Variants in PMM2 observed in about 807,000 individuals in gnomAD.
PMM2 encodes mannose-6-phosphate isomerase.
A neutral mutation model predicts 33.2 loss-of-function variants in PMM2; 35 were observed. The observed-to-expected ratio is 1.06, with a 90% confidence interval of 0.81 to 1.40. PMM2 has a LOEUF of 1.40. Ranked by LOEUF, PMM2 falls within the 40% of genes most tolerant of loss-of-function variation. The pLI, the probability that PMM2 is intolerant of heterozygous loss-of-function variation, is 0.00. For missense variants in PMM2, 386 were observed against 306.0 expected (o/e 1.26, Z -1.95); for synonymous variants, 153 against 114.7 (o/e 1.33, Z -2.13).
intron 1 of PMM2, among the ~76,000 whole-genome samples, chr16:8,800,190 C>G (rs2060605011): frequency 6.6e-6 from 1 of 152,070 alleles, no homozygotes; most frequent in African/African-American, 2.4e-5. Context: ...GAAACCCAGT[C>G]TCTACTAAAA....
intron 7 of PMM2, chr16:8,832,986 G>C (rs1596500387): frequency 4.0e-6 from 2 of 504,708 alleles, no homozygotes; most frequent in South Asian, 8.0e-5. Context: ...CTGTGATGTG[G>C]TTTTGGTTTG....
intron 7 of PMM2, among the ~76,000 whole-genome samples, chr16:8,825,065 C>T (rs765496660): frequency 2.6e-5 from 4 of 152,308 alleles, no homozygotes; most frequent in South Asian, 4.1e-4. Context: ...GAGTCTCGCT[C>T]TGTTGCCCAG....
At chr16:8,799,553 CT>C (rs763337975) in intron 1 of PMM2, among the ~76,000 whole-genome samples, 9,218 of 99,748 alleles carry the variant, frequency 0.092, 334 homozygotes, top group Middle Eastern at 0.2. Flanking sequence ...AGTTCTGACT[CT>C]TTTTTTTTTT....
chr16:8,835,125 A>C (rs533507745), intron 7 of PMM2, among the ~76,000 whole-genome samples: 6,647 of 148,610 alleles, frequency 0.045, 187 homozygotes, highest in Middle Eastern at 0.13. Context: ...GCACGCAGAC[A>C]TGAGGGCTAG....
At chr16:8,810,765 C>A (rs762311527) in intron 4 of PMM2, 2 of 386,938 alleles carry the variant, frequency 5.2e-6, no homozygotes, top group Non-Finnish European at 9.8e-6. Flanking sequence ...TTTGTAGAGA[C>A]AGAGTTTCGC....
intron 7 of PMM2, among the ~76,000 whole-genome samples, chr16:8,821,470 C>T (rs1259121875): frequency 1.3e-5 from 2 of 152,216 alleles, no homozygotes; most frequent in Non-Finnish European, 1.5e-5. Context: ...CTGCCTGTGT[C>T]TGTGCTGAAG....
chr16:8,839,193 T>C (rs2060872999), intron 7 of PMM2, among the ~76,000 whole-genome samples: 1 of 152,058 alleles, frequency 6.6e-6, no homozygotes, highest in Non-Finnish European at 1.5e-5. Context: ...CAGGGAGCTC[T>C]TCGTTCCTAT....
At chr16:8,845,833 C>G (rs2060922266) in intron 7 of PMM2, among the ~76,000 whole-genome samples, 1 of 147,650 alleles carries the variant, frequency 6.8e-6, no homozygotes, top group Non-Finnish European at 1.5e-5. Context: ...ATTACTGGAA[C>G]TAGCTTGGCA....
intron 1 of PMM2, among the ~76,000 whole-genome samples, chr16:8,799,078 G>C (rs1310892736): frequency 6.6e-6 from 1 of 152,052 alleles, no homozygotes; most frequent in Non-Finnish European, 1.5e-5. Flanking sequence ...TTTTGTAAAG[G>C]GCCATATAGC....
intron 7 of PMM2, among the ~76,000 whole-genome samples, chr16:8,833,602 C>T (rs372133289): frequency 6.8e-4 from 103 of 151,186 alleles, no homozygotes; most frequent in Middle Eastern, 3.4e-3. Flanking sequence ...TTAGGGGCGG[C>T]GTGGGAACCT....
chr16:8,806,539 G>T, intron 4 of PMM2, 132 bp downstream of exon 4: 2 of 713,916 alleles, frequency 2.8e-6, no homozygotes, highest in South Asian at 1.5e-5. Context: ...CTGATATTTA[G>T]CCCGCCCCTT....
At chr16:8,804,022 GT>G (rs770345977) in intron 2 of PMM2, among the ~76,000 whole-genome samples, 1 of 25,992 alleles carries the variant, frequency 3.8e-5, no homozygotes, top group Admixed American at 2.6e-4. Flanking sequence ...TGTTTTTTGG[GT>G]TTTTTTTGTT....
At chr16:8,826,450 A>T (rs2060768605) in intron 7 of PMM2, among the ~76,000 whole-genome samples, 1 of 152,172 alleles carries the variant, frequency 6.6e-6, no homozygotes, top group Non-Finnish European at 1.5e-5. Flanking sequence ...CCTTATCTGG[A>T]ATCTAATGGC....
intron 6 of PMM2, among the ~76,000 whole-genome samples, chr16:8,811,962 C>G (rs2060680292): frequency 1.3e-5 from 2 of 152,242 alleles, no homozygotes; most frequent in African/African-American, 2.4e-5. Flanking sequence ...CAACAGCATT[C>G]TTCCTACCTG....
Position 8,806,366 on chromosome 16 carries a change from C to G in PMM2, c.306C>G (p.Tyr102Ter). The change falls in exon 4 of 8, where the codon TAC becomes TAG. Residue 102 changes from tyrosine (Y) to a stop codon, truncating the protein, a stop_gained. Coordinates refer to ENST00000268261, the MANE Select transcript of PMM2 (RefSeq NM_000303.3). LOFTEE classifies it high-confidence loss of function. Reference sequence around the variant, plus strand: ...CCCTAATCCAAGATTTAATCAACTACTGTCTGAGCTACATTGCGAAAATTA... The same window carrying G: ...CCCTAATCCAAGATTTAATCAACTAGTGTCTGAGCTACATTGCGAAAATTA... ...GEALIQDLIN[Y>*]CLSYIAKIKL... 5 of 1,613,468 alleles carry G rather than the reference C, an allele frequency of 3.1e-6. No individual in the cohort carries two copies. The highest frequency in any genetic ancestry group is 4.2e-6 in the Non-Finnish European group (5 of 1,179,372).
At chr16:8,800,347 C>G (rs185435315) in intron 1 of PMM2, among the ~76,000 whole-genome samples, 4 of 128,210 alleles carry the variant, frequency 3.1e-5, no homozygotes, top group African/African-American at 1.2e-4. Flanking sequence ...GGTGACAGAG[C>G]ACGACTTCGT....
At position 8,845,204 on chromosome 16, in the gene PMM2, C is replaced by T. The variant is rs370931947; in HGVS notation, c.640-2520C>T. The stretch of plus-strand genomic sequence containing the variant: ...CGGTGAAGTTAAGAGCAATGTTTTG[C>T]GGGCAGGGGTGGATCTCACAAAGTA... On this transcript the variant is annotated intron_variant, in intron 7 of 7. Transcript: ENST00000268261. Among the ~76,000 whole-genome samples the T allele has an allele frequency of 2.7e-3, 406 of 151,570 alleles. 3 individuals are homozygous for T. Among genetic ancestry groups the T allele is most frequent in the African/African-American group, 9.3e-3 (380 of 40,936 alleles).
At chr16:8,802,456 T>C (rs1368544077) in intron 2 of PMM2, 2 of 356,870 alleles carry the variant, frequency 5.6e-6, no homozygotes, top group Non-Finnish European at 1.1e-5. Flanking sequence ...TATTGTAAAC[T>C]ATCCGATTAT....
At position 8,797,941 on chromosome 16, in the gene PMM2, C is replaced by G. The variant is rs2060588870; in HGVS notation, c.59C>G (p.Pro20Arg). The G allele has an allele frequency of 6.2e-7, 1 of 1,606,160 alleles. No homozygotes were observed. The change falls in exon 1 of 8, where the codon CCG (proline) becomes CGG (arginine). Residue 20 changes from proline to arginine, a missense_variant. Transcript: ENST00000268261. The stretch of plus-strand genomic sequence containing the variant: ...GACGTGGATGGGACCCTCACCGCCC[C>G]GCGGCAGGTAAGTGGCGGCCGGCGG... ...LFDVDGTLTA[P>R]RQKITKEMDD...
Sources: gnomAD v4.1 joint callset for allele counts (sites outside exome capture counted in the v4.1 genomes callset) on GRCh38, gnomAD v4.1.1 for gene constraint, MANE v1.5 for transcripts, NCBI Gene and HGNC (gene_info 2026-07-23, HGNC 2026-07-21) for gene names.